The following UBR3 variants were observed in gnomAD, a reference collection of about 807,000 sequenced individuals.
UBR3 encodes the protein E3 ubiquitin-protein ligase UBR3.
Under a neutral mutation model 243.2 loss-of-function variants are expected in UBR3, and 85 were observed. The ratio of observed to expected loss-of-function variants is 0.35; its 90% CI spans 0.29 to 0.42. UBR3 has a LOEUF of 0.42. UBR3 is among the 10% of genes least tolerant of loss of function. The pLI is 1.00. For synonymous variants in UBR3, 748 were observed against 799.8 expected, an observed-to-expected ratio of 0.94 and a Z score of 1.09; for missense variants, 1,686 against 2,300.8, an observed-to-expected ratio of 0.73 and a Z score of 5.47.
At chr2:170,051,051 T>C (rs1436532678) in intron 32 of UBR3, among the ~76,000 whole-genome samples, 2 of 152,222 alleles carry the variant, frequency 1.3e-5, no homozygotes, top group Non-Finnish European at 2.9e-5. Context: ...AAATGTTATA[T>C]AAATAGTTGT....
intron 25 of UBR3, among the ~76,000 whole-genome samples, chr2:169,991,271 A>T (rs1465399753): frequency 6.6e-6 from 1 of 152,220 alleles, no homozygotes; most frequent in Non-Finnish European, 1.5e-5. Flanking sequence ...GACTTTATAG[A>T]ACAACTAGAC....
intron 8 of UBR3, among the ~76,000 whole-genome samples, chr2:169,901,045 CT>C (rs755284043): frequency 1.3e-5 from 2 of 152,152 alleles, no homozygotes; most frequent in Non-Finnish European, 2.9e-5. Flanking sequence ...CTTTACCTTG[CT>C]TGATTTTCAG....
intron 1 of UBR3, among the ~76,000 whole-genome samples, chr2:169,836,067 A>ATATATATTTT (rs1558999159): frequency 9.2e-5 from 3 of 32,666 alleles, no homozygotes; most frequent in Admixed American, 7.2e-4. Flanking sequence ...ATATATATAT[A>ATATATATTTT]TTTTTTTTTT....
chr2:169,995,794 A>G, intron 26 of UBR3, among the ~76,000 whole-genome samples: 1 of 152,226 alleles, frequency 6.6e-6, no homozygotes, highest in Non-Finnish European at 1.5e-5. Flanking sequence ...ACTCAGAAGT[A>G]TCTGAAGGCC....
chr2:169,920,334 G>A (rs1365792252), intron 11 of UBR3, among the ~76,000 whole-genome samples: 1 of 152,162 alleles, frequency 6.6e-6, no homozygotes, highest in Non-Finnish European at 1.5e-5. Context: ...AGGGAGGGGA[G>A]AGGGACAGCA....
chr2:169,910,172 C>G (rs1172243776), intron 10 of UBR3, among the ~76,000 whole-genome samples: 1 of 152,066 alleles, frequency 6.6e-6, no homozygotes, highest in Non-Finnish European at 1.5e-5. Context: ...GTTATACATT[C>G]TAGACCCTTC....
intron 32 of UBR3, 27 bp from the exon 33 acceptor site, chr2:170,055,433 G>T: frequency 6.2e-7 from 1 of 1,605,126 alleles, no homozygotes; most frequent in Non-Finnish European, 8.5e-7. Context: ...AGATTCCAAA[G>T]AAATAATGAT....
At position 169,836,849 on chromosome 2, in the gene UBR3, T is replaced by C. The variant is rs75411307; in HGVS notation, c.545+8797T>C. Among the ~76,000 whole-genome samples the C allele has an allele frequency of 5.6e-3, 846 of 152,268 alleles. 7 individuals are homozygous for C. Among genetic ancestry groups the C allele is most frequent in the African/African-American group, 0.019 (798 of 41,540 alleles). On this transcript the variant is annotated intron_variant, in intron 1 of 38. Coordinates refer to ENST00000272793, the MANE Select transcript of UBR3 (RefSeq NM_172070.4). Reference sequence around the variant, plus strand: ...TGTTTTGTTTTTCTGTTTTACTGAGTTTTAAGAATGCTGTACATACTCTAG... The same window carrying C: ...TGTTTTGTTTTTCTGTTTTACTGAGCTTTAAGAATGCTGTACATACTCTAG...
At position 169,982,218 on chromosome 2, in the gene UBR3, G is replaced by A. The variant is rs554889746; in HGVS notation, c.3635-4427G>A. Reference sequence around the variant, plus strand: ...GCTTATTCCTCTTTCAAATAAAAATGTATTTCACATGATTTTGAGGGCACC... The same window carrying A: ...GCTTATTCCTCTTTCAAATAAAAATATATTTCACATGATTTTGAGGGCACC... On this transcript the variant is annotated intron_variant, in intron 24 of 38. Transcript: ENST00000272793. Among the ~76,000 whole-genome samples the A allele has an allele frequency of 7.9e-5, 12 of 152,128 alleles. No homozygotes were observed. In the South Asian group the frequency reaches 1.2e-3, roughly 16 times the overall value.
chr2:169,995,870 A>G (rs148307191), intron 26 of UBR3, among the ~76,000 whole-genome samples: 15 of 152,124 alleles, frequency 9.9e-5, no homozygotes, highest in Non-Finnish European at 1.5e-4. Flanking sequence ...ATTCCTTTTG[A>G]TGTTTCCTGA....
chr2:170,051,484 A>G (rs2091215694), intron 32 of UBR3, among the ~76,000 whole-genome samples: 1 of 152,124 alleles, frequency 6.6e-6, no homozygotes, highest in African/African-American at 2.4e-5. Context: ...AGCTGGGCTT[A>G]CAGGCACCCG....
At chr2:169,943,383 A>G (rs2086664223) in intron 20 of UBR3, among the ~76,000 whole-genome samples, 1 of 152,130 alleles carries the variant, frequency 6.6e-6, no homozygotes, top group African/African-American at 2.4e-5. Flanking sequence ...TGGGCAGATC[A>G]CGAGGTCAGG....
intron 19 of UBR3, 89 bp downstream of exon 19, chr2:169,933,097 A>C: frequency 1.2e-6 from 1 of 815,302 alleles, no homozygotes; most frequent in Non-Finnish European, 1.9e-6. Context: ...ATATGCTCTC[A>C]TTAAAGTATA....
chr2:169,964,586 G>A (rs969514854), intron 24 of UBR3: 18 of 392,260 alleles, frequency 4.6e-5, no homozygotes, highest in African/African-American at 3.4e-4. Flanking sequence ...GGCAGATGAC[G>A]TTTGATTGCT....
At chr2:169,914,869 T>A (rs2354240) in intron 11 of UBR3, among the ~76,000 whole-genome samples, 5 of 51,722 alleles carry the variant, frequency 9.7e-5, no homozygotes, top group South Asian at 6.1e-4. Flanking sequence ...TGTGTGTGTG[T>A]GTGTTTTTTT....
At chr2:170,052,928 T>C (rs2091254072) in intron 32 of UBR3, among the ~76,000 whole-genome samples, 1 of 152,226 alleles carries the variant, frequency 6.6e-6, no homozygotes, top group Non-Finnish European at 1.5e-5. Flanking sequence ...TCACAGTGTA[T>C]GCTTATATCA....
At chr2:169,959,410 T>G (rs999326114) in intron 24 of UBR3, among the ~76,000 whole-genome samples, 1 of 151,774 alleles carries the variant, frequency 6.6e-6, no homozygotes, top group African/African-American at 2.4e-5. Flanking sequence ...CAAAACTTTC[T>G]GAGCATTGAC....
chr2:169,939,108 A>T (rs1288866550), intron 19 of UBR3, among the ~76,000 whole-genome samples: 1 of 151,584 alleles, frequency 6.6e-6, no homozygotes, highest in African/African-American at 2.4e-5. Flanking sequence ...CCTATTATTT[A>T]TTTGTGTTTG....
chr2:169,937,324 C>T (rs566072308), intron 19 of UBR3, among the ~76,000 whole-genome samples: 20 of 152,322 alleles, frequency 1.3e-4, no homozygotes, highest in African/African-American at 4.3e-4. Flanking sequence ...AGTGTCTGTT[C>T]GTATCCTTCG....
Sources: gnomAD v4.1 joint callset for allele counts (sites outside exome capture counted in the v4.1 genomes callset) on GRCh38, gnomAD v4.1.1 for gene constraint, MANE v1.5 for transcripts, NCBI Gene and HGNC (gene_info 2026-07-23, HGNC 2026-07-21) for gene names.